PTPRE: variants seen among roughly 807,000 people sequenced by gnomAD.
The protein encoded by PTPRE is protein tyrosine phosphatase receptor type E.
A neutral mutation model predicts 102.0 loss-of-function variants in PTPRE; 51 were observed. The ratio of observed to expected loss-of-function variants is 0.50; its 90% CI spans 0.40 to 0.63. The LOEUF (loss-of-function observed/expected upper bound fraction) is 0.63. PTPRE is among the 30% of genes least tolerant of loss of function. PTPRE has a pLI of 0.00. For missense variants in PTPRE, 752 were observed against 915.1 expected, an observed-to-expected ratio of 0.82 and a Z score of 2.30; for synonymous variants, 345 against 348.2, an observed-to-expected ratio of 0.99 and a Z score of 0.10.
intron 18 of PTPRE, 40 bp from the exon 19 acceptor site, chr10:128,077,577 G>C (rs574932281): frequency 6.4e-7 from 1 of 1,571,486 alleles, no homozygotes; most frequent in Non-Finnish European, 8.7e-7. Flanking sequence ...CCTGTTCCCC[G>C]GCAGGCAGGC....
At chr10:128,002,795 G>T (rs1393786070) in intron 2 of PTPRE, among the ~76,000 whole-genome samples, 1 of 133,674 alleles carries the variant, frequency 7.5e-6, no homozygotes, top group Non-Finnish European at 1.5e-5. Flanking sequence ...CTGGGCTTAA[G>T]CAGTCTTCCC....
At chr10:127,917,992 T>C (rs1242515828) in intron 1 of PTPRE, among the ~76,000 whole-genome samples, 1 of 151,930 alleles carries the variant, frequency 6.6e-6, no homozygotes, top group Non-Finnish European at 1.5e-5. Flanking sequence ...ATCACACCAC[T>C]GCACTCAGCC....
At chr10:128,039,956 A>G (rs1847536157) in intron 2 of PTPRE, among the ~76,000 whole-genome samples, 1 of 152,198 alleles carries the variant, frequency 6.6e-6, no homozygotes, top group Non-Finnish European at 1.5e-5. Flanking sequence ...GGCAAAATGG[A>G]GTGCCAGGTG....
intron 1 of PTPRE, among the ~76,000 whole-genome samples, chr10:127,941,043 GGTCTT>G (rs1848209235): frequency 6.6e-6 from 1 of 152,116 alleles, no homozygotes; most frequent in Non-Finnish European, 1.5e-5. Context: ...GGCAGGGCAG[GGTCTT>G]GTCCCAGATG....
intron 1 of PTPRE, among the ~76,000 whole-genome samples, chr10:127,909,238 C>T (rs1005516625): frequency 1.3e-5 from 2 of 152,102 alleles, no homozygotes; most frequent in Non-Finnish European, 2.9e-5. Flanking sequence ...TGTGTGTGTA[C>T]ATCCTTGCCC....
At chr10:127,990,085 G>A (rs543405434) in intron 2 of PTPRE, among the ~76,000 whole-genome samples, 140 of 152,258 alleles carry the variant, frequency 9.2e-4, no homozygotes, top group Non-Finnish European at 1.6e-3. Context: ...ATAAATGTGT[G>A]TTTTGCCCAG....
At chr10:128,001,591 C>T (rs1244841452) in intron 2 of PTPRE, among the ~76,000 whole-genome samples, 1 of 152,180 alleles carries the variant, frequency 6.6e-6, no homozygotes, top group East Asian at 1.9e-4. Context: ...CCCAGGCCGA[C>T]CCCCAGTACA....
chr10:127,972,259 C>T (rs923087490), intron 1 of PTPRE, among the ~76,000 whole-genome samples: 1 of 152,182 alleles, frequency 6.6e-6, no homozygotes, highest in Non-Finnish European at 1.5e-5. Flanking sequence ...GCCCAGGCAC[C>T]AAGGGCCCAG....
In PTPRE at chr10:128,070,521, T is replaced by C; in HGVS notation, c.1293+71T>C. 6.5e-7 allele frequency: 1 copy of C among 1,542,768 alleles called. No homozygotes were observed. ...GGGCACGAGGAAAACAGGTGACCATTTAAAGGAAGCCTCTTTCAATCACTT... is the reference window on the plus strand; with the variant it reads ...GGGCACGAGGAAAACAGGTGACCATCTAAAGGAAGCCTCTTTCAATCACTT... On this transcript the variant is annotated intron_variant, in intron 14 of 20. Transcript: ENST00000254667. This position sits in a 1 kb window ranked among gnomAD's most constrained non-coding sequence, Gnocchi z 4.8.
intron 1 of PTPRE, among the ~76,000 whole-genome samples, chr10:127,959,192 G>A (rs1022248179): frequency 2.0e-5 from 3 of 152,198 alleles, no homozygotes; most frequent in Non-Finnish European, 4.4e-5. Context: ...CACCACGCCC[G>A]GCTGAAATTG....
At chr10:128,018,089 G>A (rs573476981) in intron 2 of PTPRE, among the ~76,000 whole-genome samples, 6 of 152,144 alleles carry the variant, frequency 3.9e-5, no homozygotes, top group South Asian at 2.1e-4. Flanking sequence ...CCAGCAGCCC[G>A]GGCTGAGAGT....
At chr10:127,987,067 G>A (rs1333314699) in intron 2 of PTPRE, among the ~76,000 whole-genome samples, 1 of 152,188 alleles carries the variant, frequency 6.6e-6, no homozygotes, top group African/African-American at 2.4e-5. Flanking sequence ...GATCTGACAT[G>A]ACAAACAGAT....
rs184498079 is a variant in PTPRE at position 127,932,536 on chromosome 10, C to T, written c.-31+25227C>T. Among the ~76,000 whole-genome samples, 18 of 152,314 alleles carry T rather than the reference C, an allele frequency of 1.2e-4. No homozygotes were observed. The East Asian group carries it at 3.5e-3, about 29-fold the overall frequency. ...TCTCTCCAGCCTTTTGCGCATGGCACGCAGGCTCATCATTGCAGCTGCAGT... is the reference window on the plus strand; with the variant it reads ...TCTCTCCAGCCTTTTGCGCATGGCATGCAGGCTCATCATTGCAGCTGCAGT... On this transcript the variant is annotated intron_variant, in intron 1 of 20. Coordinates refer to ENST00000254667, the MANE Select transcript of PTPRE (RefSeq NM_006504.6).
intron 3 of PTPRE, among the ~76,000 whole-genome samples, chr10:128,043,419 C>T (rs1564918538): frequency 6.6e-6 from 1 of 152,200 alleles, no homozygotes; most frequent in Non-Finnish European, 1.5e-5. Flanking sequence ...GAATCTAATG[C>T]CGCTGCTGAT....
At chr10:128,026,749 C>T (rs574156181) in intron 2 of PTPRE, among the ~76,000 whole-genome samples, 1 of 152,252 alleles carries the variant, frequency 6.6e-6, no homozygotes, top group African/African-American at 2.4e-5. Context: ...CCCTTTGCAT[C>T]CTTTTCTCTT....
chr10:127,967,865 G>A (rs1850376613), intron 1 of PTPRE, among the ~76,000 whole-genome samples: 2 of 152,192 alleles, frequency 1.3e-5, no homozygotes, highest in South Asian at 4.1e-4. Flanking sequence ...AGTTTCGCCT[G>A]CTTTCGAACT....
intron 3 of PTPRE, among the ~76,000 whole-genome samples, chr10:128,046,157 T>C (rs914338216): frequency 1.3e-5 from 2 of 151,788 alleles, no homozygotes; most frequent in African/African-American, 4.8e-5. Flanking sequence ...CCTGGGAGGG[T>C]AGGGGATGAG....
At chr10:127,946,247 A>G (rs143989380) in intron 1 of PTPRE, among the ~76,000 whole-genome samples, 6 of 152,334 alleles carry the variant, frequency 3.9e-5, no homozygotes, top group Non-Finnish European at 7.3e-5. Flanking sequence ...AACACACATC[A>G]AAATGCTTGG....
chr10:127,911,754 C>G (rs1263383965), intron 1 of PTPRE, among the ~76,000 whole-genome samples: 4 of 152,200 alleles, frequency 2.6e-5, no homozygotes, highest in Non-Finnish European at 4.4e-5. Context: ...CTCTGGACAC[C>G]AAATCTAGAG....
Sources: allele counts gnomAD v4.1 joint callset (sites outside exome capture counted in the v4.1 genomes callset), GRCh38; gene constraint gnomAD v4.1.1; non-coding constraint Gnocchi (gnomAD v3.1); transcripts MANE v1.5; gene names NCBI Gene and HGNC (gene_info 2026-07-23, HGNC 2026-07-21).